The following RRN3 variants were observed in gnomAD, a reference collection of about 807,000 sequenced individuals.
RRN3 encodes RNA polymerase I-specific transcription initiation factor RRN3.
A neutral mutation model predicts 82.3 loss-of-function variants in RRN3; 38 were observed. The observed-to-expected ratio is 0.46, with a 90% CI of 0.36 to 0.61. The LOEUF (loss-of-function observed/expected upper bound fraction) is 0.61, where lower values mean the gene tolerates loss of function less well. Among genes scored for constraint, RRN3 ranks in the 20% least tolerant of loss-of-function variants. The pLI, the probability that RRN3 is intolerant of heterozygous loss-of-function variation, is 0.00. For missense variants in RRN3, 726 were observed against 793.1 expected (o/e 0.92, Z 1.02); for synonymous variants, 284 against 284.3 (o/e 1.00, Z 0.01).
chr16:15,067,702 C>T lies in RRN3; in HGVS notation c.1553+467G>A, dbSNP rs896940271. Reference sequence around the variant, plus strand: ...GATAAGAAGTAGTAGTAATTTCCAACGCCATCAAAGTATAAAAACAATAGC... The same window carrying T: ...GATAAGAAGTAGTAGTAATTTCCAATGCCATCAAAGTATAAAAACAATAGC... On this transcript the variant is annotated intron_variant, in intron 15 of 17. Coordinates refer to ENST00000198767, the MANE Select transcript of RRN3 (RefSeq NM_018427.5). Among the ~76,000 whole-genome samples the T allele has an allele frequency of 1.2e-4, 18 of 152,044 alleles. No homozygotes were observed. In the East Asian group the frequency reaches 1.9e-3, roughly 16 times the overall value.
intron 2 of RRN3, among the ~76,000 whole-genome samples, chr16:15,092,025 A>T (rs1270047791): frequency 2.0e-5 from 3 of 152,110 alleles, no homozygotes; most frequent in Non-Finnish European, 4.4e-5. Context: ...AAAAAAATAA[A>T]AAAATTAGCC....
intron 16 of RRN3, among the ~76,000 whole-genome samples, chr16:15,063,565 G>A (rs1290482345): frequency 1.6e-4 from 24 of 151,742 alleles, no homozygotes; most frequent in South Asian, 2.1e-4. Flanking sequence ...AAAATTAGCC[G>A]GGTGTGGTGG....
chr16:15,088,894 T>C (rs2046008979), intron 3 of RRN3, among the ~76,000 whole-genome samples: 1 of 152,090 alleles, frequency 6.6e-6, no homozygotes, highest in Non-Finnish European at 1.5e-5. Context: ...AACAACCATG[T>C]GCTTAGAGAG....
At chr16:15,091,247 C>T (rs985355718) in intron 3 of RRN3, 68 bp downstream of exon 3, 5 of 1,586,284 alleles carry the variant, frequency 3.2e-6, no homozygotes, top group Non-Finnish European at 4.3e-6. Context: ...GAATGGGACC[C>T]AAAGAGCAAA....
chr16:15,084,672 G>C lies in RRN3; in HGVS notation c.566C>G (p.Ala189Gly). 1 of 1,612,778 alleles carries C rather than the reference G, an allele frequency of 6.2e-7. No individual in the cohort carries two copies. The highest frequency in any genetic ancestry group is 8.5e-7 in the Non-Finnish European group (1 of 1,178,928). Reference protein sequence around the residue: ...LPANFDTCHRALQIIARYVPS... With the variant: ...LPANFDTCHRGLQIIARYVPS... ...TACATATCTTGCTATTATTTGCAAG[G>C]CTCTGTGACATGTGTCAAAATTTGC... The change falls in exon 7 of 18, where the codon GCC becomes GGC. Residue 189 changes from alanine to glycine, a missense_variant. Ala to Gly is a moderately conservative substitution (Grantham distance 60, BLOSUM62 0). This residue lies in a region of RRN3 where 344 missense variants were observed against 394.5 expected (regional missense o/e 0.87). Coordinates refer to ENST00000198767, the MANE Select transcript of RRN3 (RefSeq NM_018427.5).
chr16:15,067,167 G>A (rs1229186966), intron 15 of RRN3, among the ~76,000 whole-genome samples: 2 of 151,798 alleles, frequency 1.3e-5, no homozygotes, highest in African/African-American at 4.8e-5. Flanking sequence ...GCCTAGCAAA[G>A]GAGAACTAAA....
chr16:15,081,948 GTGTA>G (rs1567212927), intron 8 of RRN3, among the ~76,000 whole-genome samples: 2 of 152,124 alleles, frequency 1.3e-5, no homozygotes, highest in Non-Finnish European at 2.9e-5. Context: ...CAACTGGTTA[GTGTA>G]TGTTAGTCTT....
At chr16:15,073,391 A>C (rs1266041761) in intron 11 of RRN3, among the ~76,000 whole-genome samples, 1 of 152,254 alleles carries the variant, frequency 6.6e-6, no homozygotes, top group Admixed American at 6.5e-5. Flanking sequence ...CAGGAGGTCA[A>C]GGCTGCAGTA....
rs752023489 is a variant in RRN3 at position 15,074,766 on chromosome 16, C to A, written c.954G>T (p.Met318Ile). 7 of 1,613,982 alleles carry A rather than the reference C, an allele frequency of 4.3e-6. No homozygotes were observed. Among genetic ancestry groups the A allele is most frequent in the Admixed American group, 3.3e-5 (2 of 60,004 alleles). Reference protein sequence around the residue: ...HPVAERLDILMSLVLSYMKDV... With the variant: ...HPVAERLDILISLVLSYMKDV... The stretch of plus-strand genomic sequence containing the variant: ...CCTTCATGTAGGACAAAACCAAAGA[C>A]ATCAGGATGTCCAGGCGCTCGGCTA... Residue 318 changes from methionine (M) to isoleucine (I), a missense_variant, in exon 11 of 18, where the codon ATG (methionine) becomes ATT (isoleucine). Met to Ile is a conservative substitution (Grantham distance 10). Around this residue, in one of 4 missense-constraint regions of RRN3, gnomAD observed 344 missense variants for 394.5 expected, o/e 0.87. Coordinates refer to ENST00000198767, the MANE Select transcript of RRN3 (RefSeq NM_018427.5).
intron 12 of RRN3, 54 bp downstream of exon 12, chr16:15,072,896 T>G (rs2045296888): frequency 8.2e-6 from 13 of 1,592,820 alleles, no homozygotes; most frequent in Non-Finnish European, 1.1e-5. Context: ...TTAGGGAAAA[T>G]TTTTGGGCAA....
chr16:15,085,687 T>C lies in RRN3; in HGVS notation c.484A>G (p.Ile162Val), dbSNP rs113730921. 0.011 allele frequency: 17,772 copies of C among 1,613,562 alleles called. 131 individuals carry two copies. Among genetic ancestry groups the C allele is most frequent in the Middle Eastern group, 0.035 (203 of 5,834 alleles). ...GAAACATCTACATCGCCTTCCTTAA[T>C]GATCACTCGGGCTTTTGAGGGAAAA... is the stretch of plus-strand genomic sequence containing the variant. ...ASHFVPPRVIIKEGDVDVSDS... is the reference protein window; with the variant it reads ...ASHFVPPRVIVKEGDVDVSDS... Residue 162 changes from isoleucine (I) to valine (V), a missense_variant, in exon 6 of 18, where the codon ATT becomes GTT. Coordinates refer to ENST00000198767, the MANE Select transcript of RRN3 (RefSeq NM_018427.5).
chr16:15,085,457 T>C (rs1398971068), intron 6 of RRN3, among the ~76,000 whole-genome samples, 182 bp downstream of exon 6: 1 of 152,214 alleles, frequency 6.6e-6, no homozygotes, highest in Non-Finnish European at 1.5e-5. Flanking sequence ...AGTTCTACTT[T>C]AAGCCTTTTT....
At chr16:15,065,777 G>C (rs2044944743) in intron 15 of RRN3, among the ~76,000 whole-genome samples, 1 of 152,092 alleles carries the variant, frequency 6.6e-6, no homozygotes, top group African/African-American at 2.4e-5. Context: ...GTGGTAAAGG[G>C]ATTCAGGAGT....
At chr16:15,073,994 C>A (rs533655115) in intron 11 of RRN3, among the ~76,000 whole-genome samples, 7 of 152,252 alleles carry the variant, frequency 4.6e-5, no homozygotes, top group Admixed American at 2.6e-4. Flanking sequence ...GTGTGACACC[C>A]AAATTCACTA....
intron 16 of RRN3, among the ~76,000 whole-genome samples, chr16:15,063,637 G>C (rs1335331474): frequency 6.7e-6 from 1 of 148,914 alleles, no homozygotes; most frequent in Non-Finnish European, 1.5e-5. Context: ...CCTGGGAGAC[G>C]GAGCTTGCAG....
chr16:15,076,482 A>C (rs749108862), intron 10 of RRN3, 76 bp downstream of exon 10: 17 of 998,180 alleles, frequency 1.7e-5, no homozygotes, highest in Non-Finnish European at 2.8e-5. Context: ...TAAAGCCTTA[A>C]CAAAGATGAG....
intron 3 of RRN3, among the ~76,000 whole-genome samples, chr16:15,089,434 GAA>G (rs1359144875): frequency 6.6e-6 from 1 of 152,138 alleles, no homozygotes; most frequent in African/African-American, 2.4e-5. Context: ...AACAGAGTGA[GAA>G]AAGAGTCAAG....
intron 3 of RRN3, among the ~76,000 whole-genome samples, chr16:15,090,274 A>G: frequency 6.6e-6 from 1 of 152,194 alleles, no homozygotes. Flanking sequence ...CAGGGTAATT[A>G]CTACAGTGAT....
intron 17 of RRN3, 121 bp downstream of exon 17, chr16:15,063,075 T>C (rs1244082942): frequency 3.8e-6 from 3 of 783,922 alleles, no homozygotes; most frequent in Non-Finnish European, 6.8e-6. Flanking sequence ...AGCAATCCTC[T>C]GGCCTTGACC....
Sources: allele counts gnomAD v4.1 joint callset (sites outside exome capture counted in the v4.1 genomes callset), GRCh38; gene constraint gnomAD v4.1.1; regional missense constraint gnomAD v4.1.1; transcripts MANE v1.5; gene names NCBI Gene and HGNC (gene_info 2026-07-23, HGNC 2026-07-21).